FKBP11: variants seen among roughly 807,000 people sequenced by gnomAD.
FKBP11 encodes peptidyl-prolyl cis-trans isomerase FKBP11.
FKBP11 carries 21 observed loss-of-function variants against 24.7 expected under a neutral mutation model. That is an observed-to-expected ratio of 0.85 (90% CI 0.60 to 1.23). The LOEUF is 1.23. Ranked by LOEUF, FKBP11 falls within the 50% of genes most tolerant of loss-of-function variation. FKBP11 has a pLI of 0.00. For missense variants in FKBP11, 245 were observed against 248.7 expected, an observed-to-expected ratio of 0.99 and a Z score of 0.10; for synonymous variants, 106 against 100.6, an observed-to-expected ratio of 1.05 and a Z score of -0.32.
At chr12:48,936,599 ACCAAGGCAACCT>A in the FKBP11 span, 2 of 152,628 alleles carry the variant, frequency 1.3e-5, no homozygotes, top group Non-Finnish European at 2.9e-5. Flanking sequence ...CTGGGGCAGC[ACCAAGGCAACCT>A]CCTAACATTT....
rs1454751462 is a variant in FKBP11, at chr12:48,925,357, C to T, written c.72G>A (p.Arg24=). Residue 24 remains arginine (R), a synonymous_variant, in exon 1 of 6, where the codon CGG becomes CGA. Coordinates refer to ENST00000550765, the MANE Select transcript of FKBP11 (RefSeq NM_016594.3). ...LLLLLSAAVC[R]AEAGLETESP... is the part of the protein sequence containing the mutation. ...TTTCGGTTTCGAGCCCAGCCTCAGC[C>T]CGGCACACCGCCGCACTGAGCAGCA... is the stretch of plus-strand genomic sequence containing the variant. 1 of 1,607,064 alleles carries T rather than the reference C, an allele frequency of 6.2e-7. No individual in the cohort carries two copies. Among genetic ancestry groups the T allele is most frequent in the Non-Finnish European group, 8.5e-7 (1 of 1,177,736 alleles).
At chr12:48,931,248 C>A (rs1185133471), upstream of FKBP11, among the ~76,000 whole-genome samples, 2 of 149,926 alleles carry the variant, frequency 1.3e-5, no homozygotes, top group African/African-American at 4.9e-5. Flanking sequence ...GCATACTGCA[C>A]TGATGTATCA....
At position 48,925,335 on chromosome 12, in the gene FKBP11, C is replaced by A. The variant is rs779366277; in HGVS notation, c.94G>T (p.Glu32Ter). ...ACTTGGAGGGTCCGGACGGGACTTT[C>A]GGTTTCGAGCCCAGCCTCAGCCCGG... ...VCRAEAGLET[E>*]SPVRTLQVET... Residue 32 changes from glutamate to a stop codon, truncating the protein, a stop_gained, in exon 1 of 6, where the codon GAA becomes TAA. Transcript: ENST00000550765. LOFTEE classifies it high-confidence loss of function. 1 of 1,610,396 alleles carries A rather than the reference C, an allele frequency of 6.2e-7. No individual in the cohort carries two copies. Among genetic ancestry groups the A allele is most frequent in the Non-Finnish European group, 8.5e-7 (1 of 1,178,980 alleles).
the FKBP11 span, chr12:48,938,387 G>A: frequency 1.8e-5 from 8 of 454,354 alleles, no homozygotes; most frequent in African/African-American, 4.0e-5. Flanking sequence ...CCAGTGGGCA[G>A]TGTCCTGGCT....
the FKBP11 span, among the ~76,000 whole-genome samples, chr12:48,935,204 A>T: frequency 6.6e-6 from 1 of 152,080 alleles, no homozygotes; most frequent in Non-Finnish European, 1.5e-5. Flanking sequence ...TGGTTGGAGT[A>T]GTTTGAGAGT....
chr12:48,937,914 C>T, the FKBP11 span: 1 of 160,766 alleles, frequency 6.2e-6, no homozygotes, highest in Non-Finnish European at 1.4e-5. Flanking sequence ...GCCTCACCTT[C>T]TCCTAATAAC....
chr12:48,923,821 AG>A lies in FKBP11; in HGVS notation c.348del (p.Leu117TrpfsTer24), dbSNP rs1214701410. On this transcript the variant is annotated frameshift_variant, in exon 5 of 6. Coordinates refer to ENST00000550765, the MANE Select transcript of FKBP11 (RefSeq NM_016594.3). LOFTEE classifies it high-confidence loss of function. ...GEKRRAIIPS[H>X]LAYGKRGFPP... ...GGAAATCCCCGTTTTCCATAGGCCA[AG>A]TGAGAAGGAATGATTGCCCTTCGCT... 1 of 1,614,080 alleles carries A rather than the reference AG, an allele frequency of 6.2e-7. No homozygotes were observed. Among genetic ancestry groups the A allele is most frequent in the Non-Finnish European group, 8.5e-7 (1 of 1,180,050 alleles).
intron 5 of FKBP11, chr12:48,922,847 G>C (rs1349109771): frequency 9.8e-7 from 1 of 1,025,184 alleles, no homozygotes; most frequent in Non-Finnish European, 1.2e-6. Context: ...GCTGGAACTA[G>C]GATAAGAATT....
chr12:48,923,509 G>C (rs978155753), intron 5 of FKBP11: 1 of 1,550,668 alleles, frequency 6.4e-7, no homozygotes, highest in African/African-American at 1.4e-5. Context: ...GGTGGCACAG[G>C]CAGCAGACCC....
the FKBP11 span, among the ~76,000 whole-genome samples, chr12:48,933,172 C>A: frequency 6.6e-6 from 1 of 152,206 alleles, no homozygotes; most frequent in African/African-American, 2.4e-5. Context: ...CTAAATGATT[C>A]CATTTCCTCT....
upstream of FKBP11, among the ~76,000 whole-genome samples, chr12:48,931,157 A>G (rs1309619601): frequency 7.0e-6 from 1 of 143,192 alleles, no homozygotes; most frequent in Non-Finnish European, 1.5e-5. Context: ...AAAAAAAAAA[A>G]AGGCTAGTTG....
chr12:48,928,594 T>C (rs1253833512), upstream of FKBP11, among the ~76,000 whole-genome samples: 1 of 151,450 alleles, frequency 6.6e-6, no homozygotes, highest in Non-Finnish European at 1.5e-5. Flanking sequence ...ATTCTCCTGT[T>C]TCAGCCTCCA....
chr12:48,933,382 T>C, the FKBP11 span, among the ~76,000 whole-genome samples: 1 of 152,156 alleles, frequency 6.6e-6, no homozygotes, highest in East Asian at 1.9e-4. Context: ...CTGGCTCTCC[T>C]ACCTTCACAC....
chr12:48,935,911 C>T, the FKBP11 span: 2 of 152,194 alleles, frequency 1.3e-5, no homozygotes, highest in Admixed American at 6.5e-5. Context: ...GTGAGAAATA[C>T]AGCTGATTTC....
At chr12:48,934,432 C>T in the FKBP11 span, among the ~76,000 whole-genome samples, 1 of 152,184 alleles carries the variant, frequency 6.6e-6, no homozygotes, top group Non-Finnish European at 1.5e-5. Context: ...GCTGTTTGTC[C>T]TAAGAGCTGG....
At chr12:48,937,934 T>A in the FKBP11 span, 1 of 160,644 alleles carries the variant, frequency 6.2e-6, no homozygotes, top group African/African-American at 2.4e-5. Flanking sequence ...CAAAAGAGAA[T>A]GAAGATGGAA....
chr12:48,926,497 T>A (rs1411036238), upstream of FKBP11: 4 of 149,922 alleles, frequency 2.7e-5, no homozygotes, highest in Non-Finnish European at 5.9e-5. Context: ...AGTGCTAGGA[T>A]TACAGGCGTG....
the FKBP11 span, among the ~76,000 whole-genome samples, chr12:48,935,494 ACCAT>A: frequency 1.3e-5 from 2 of 152,136 alleles, no homozygotes; most frequent in Admixed American, 1.3e-4. Context: ...TAAAGGTAGC[ACCAT>A]CCCTTTCTTT....
intron 5 of FKBP11, chr12:48,922,561 T>C: frequency 4.9e-6 from 5 of 1,011,854 alleles, no homozygotes; most frequent in Non-Finnish European, 5.9e-6. Flanking sequence ...GATAGAGTCT[T>C]TGCAGGGCTG....
Sources: allele counts gnomAD v4.1 joint callset (sites outside exome capture counted in the v4.1 genomes callset), GRCh38; gene constraint gnomAD v4.1.1; transcripts MANE v1.5; gene names NCBI Gene and HGNC (gene_info 2026-07-23, HGNC 2026-07-21).